EBF1: variants seen among roughly 807,000 people sequenced by gnomAD.
The protein encoded by EBF1 is transcription factor COE1.
In EBF1, 10 loss-of-function variants were observed where a neutral mutation model predicts 68.4. The ratio of observed to expected loss-of-function variants is 0.15; its 90% CI spans 0.09 to 0.25. The LOEUF (loss-of-function observed/expected upper bound fraction) is 0.25, where lower values mean the gene tolerates loss of function less well. Ranked by LOEUF, EBF1 falls within the 10% of genes least tolerant of loss-of-function variation. The pLI is 1.00. For missense variants in EBF1, 509 were observed against 794.4 expected, an observed-to-expected ratio of 0.64 and a Z score of 4.32; for synonymous variants, 298 against 299.8, an observed-to-expected ratio of 0.99 and a Z score of 0.06.
intron 10 of EBF1, among the ~76,000 whole-genome samples, chr5:158,738,909 C>T (rs1765746131): frequency 6.6e-6 from 1 of 152,138 alleles, no homozygotes; most frequent in South Asian, 2.1e-4. Flanking sequence ...AATCTCTGTG[C>T]CTAGGCTCCT....
At chr5:159,037,766 C>A (rs543026525) in intron 6 of EBF1, among the ~76,000 whole-genome samples, 200 of 151,456 alleles carry the variant, frequency 1.3e-3, no homozygotes, top group African/African-American at 4.2e-3. Context: ...TGTAACTAAC[C>A]TGCACAATGT....
intron 8 of EBF1, among the ~76,000 whole-genome samples, chr5:158,803,647 C>T (rs773914760): frequency 6.6e-6 from 1 of 151,966 alleles, no homozygotes; most frequent in Non-Finnish European, 1.5e-5. Flanking sequence ...AGAATGCTAA[C>T]TCCAAATAAA....
intron 1 of EBF1, among the ~76,000 whole-genome samples, chr5:159,097,971 C>T (rs1355925132): frequency 1.3e-5 from 2 of 152,220 alleles, no homozygotes; most frequent in Non-Finnish European, 2.9e-5. Flanking sequence ...GAGCGCCCCG[C>T]GCACACACTT....
At chr5:158,903,306 T>C (rs1460370576) in intron 6 of EBF1, among the ~76,000 whole-genome samples, 1 of 152,238 alleles carries the variant, frequency 6.6e-6, no homozygotes, top group Non-Finnish European at 1.5e-5. Flanking sequence ...ATAAATGTTT[T>C]CTGCATGCCC....
intron 6 of EBF1, among the ~76,000 whole-genome samples, chr5:158,901,805 T>A (rs147820467): frequency 2.2e-4 from 34 of 152,182 alleles, no homozygotes; most frequent in African/African-American, 7.9e-4. Flanking sequence ...AAAACCAAGT[T>A]TTCGGCCTGG....
chr5:158,847,833 T>C (rs751103813), intron 6 of EBF1, among the ~76,000 whole-genome samples: 1 of 152,230 alleles, frequency 6.6e-6, no homozygotes, highest in Non-Finnish European at 1.5e-5. Context: ...CTGGGAATCA[T>C]GGCCACAGAG....
At chr5:158,871,026 C>T (rs1796776858) in intron 6 of EBF1, among the ~76,000 whole-genome samples, 1 of 152,206 alleles carries the variant, frequency 6.6e-6, no homozygotes, top group African/African-American at 2.4e-5. Flanking sequence ...AGAAGGAACA[C>T]TCTAATACGA....
intron 6 of EBF1, among the ~76,000 whole-genome samples, chr5:159,069,070 C>A (rs1428161198): frequency 6.6e-6 from 1 of 151,976 alleles, no homozygotes; most frequent in Non-Finnish European, 1.5e-5. Context: ...TTTTAACATC[C>A]AAGTTTTAAA....
In EBF1 at chr5:158,997,742, T is replaced by C. The variant is rs180925167; in HGVS notation, c.554+75654A>G. ...CTTGTAAAACCCTCCAGTGGATCCC[T>C]GTGGCCCAAAGGAAGAAGTCCAAGC... On this transcript the variant is annotated intron_variant, in intron 6 of 15. Coordinates refer to ENST00000313708, the MANE Select transcript of EBF1 (RefSeq NM_024007.5). Among the ~76,000 whole-genome samples the C allele has an allele frequency of 4.9e-3, 740 of 152,326 alleles. 4 individuals carry two copies. The highest frequency in any genetic ancestry group is 7.6e-3 in the Non-Finnish European group (520 of 68,024).
At chr5:158,844,196 T>TC (rs1268123288) in intron 6 of EBF1, among the ~76,000 whole-genome samples, 2 of 151,386 alleles carry the variant, frequency 1.3e-5, no homozygotes, top group Non-Finnish European at 2.9e-5. Flanking sequence ...GCCTTTTTTT[T>TC]TTTTTTTTTT....
chr5:158,944,815 AC>A (rs1814283396), intron 6 of EBF1, among the ~76,000 whole-genome samples: 1 of 152,206 alleles, frequency 6.6e-6, no homozygotes, highest in Non-Finnish European at 1.5e-5. Flanking sequence ...TTCTCTAATG[AC>A]CAGCGATGAT....
At chr5:158,800,258 G>A (rs912232508) in intron 8 of EBF1, among the ~76,000 whole-genome samples, 3 of 152,114 alleles carry the variant, frequency 2.0e-5, no homozygotes, top group South Asian at 2.1e-4. Flanking sequence ...TAATTAAGTT[G>A]ATTTTTAAAT....
chr5:158,937,399 G>T (rs1460793099), intron 6 of EBF1, among the ~76,000 whole-genome samples: 2 of 152,132 alleles, frequency 1.3e-5, no homozygotes, highest in East Asian at 3.9e-4. Flanking sequence ...AAGCCACGAG[G>T]ATTAAAGAGA....
chr5:158,916,203 G>T (rs1339129891), intron 6 of EBF1, among the ~76,000 whole-genome samples: 2 of 152,146 alleles, frequency 1.3e-5, no homozygotes, highest in Non-Finnish European at 2.9e-5. Context: ...TCTTGTCCTT[G>T]AAACCTTAGT....
intron 10 of EBF1, among the ~76,000 whole-genome samples, chr5:158,774,281 G>C (rs374846661): frequency 6.6e-6 from 1 of 152,118 alleles, no homozygotes. Context: ...TCTGTGCTTG[G>C]TCAGATTCTT....
intron 6 of EBF1, among the ~76,000 whole-genome samples, chr5:158,956,206 T>C (rs1224387568): frequency 6.6e-6 from 1 of 152,118 alleles, no homozygotes; most frequent in Non-Finnish European, 1.5e-5. Context: ...GCTTCTACTT[T>C]GGAGCGACAC....
At chr5:159,080,633 T>C (rs1779593181) in intron 5 of EBF1, among the ~76,000 whole-genome samples, 1 of 152,230 alleles carries the variant, frequency 6.6e-6, no homozygotes, top group African/African-American at 2.4e-5. Flanking sequence ...CTGCTTCTAT[T>C]AATACAAATA....
chr5:158,871,974 G>A (rs908384016), intron 6 of EBF1, among the ~76,000 whole-genome samples: 1 of 152,218 alleles, frequency 6.6e-6, no homozygotes, highest in African/African-American at 2.4e-5. Flanking sequence ...AGCAGGTGCA[G>A]AGCACTTGGT....
At chr5:158,858,692 C>T (rs1349525411) in intron 6 of EBF1, among the ~76,000 whole-genome samples, 1 of 152,084 alleles carries the variant, frequency 6.6e-6, no homozygotes, top group East Asian at 1.9e-4. Context: ...TCTCTGTTGC[C>T]CCTAAAAACA....
Sources: gnomAD v4.1 joint callset for allele counts (sites outside exome capture counted in the v4.1 genomes callset) on GRCh38, gnomAD v4.1.1 for gene constraint, MANE v1.5 for transcripts, NCBI Gene and HGNC (gene_info 2026-07-23, HGNC 2026-07-21) for gene names.